Variants in MECOM observed in about 807,000 individuals in gnomAD.
MECOM encodes the protein MDS1 and EVI1 complex locus, also known as histone-lysine N-methyltransferase MECOM.
A neutral mutation model predicts 116.3 loss-of-function variants in MECOM; 13 were observed. The ratio of observed to expected loss-of-function variants is 0.11; its 90% CI spans 0.07 to 0.18. The LOEUF is 0.18. Ranked by LOEUF, MECOM falls within the 10% of genes least tolerant of loss-of-function variation. The probability of loss-of-function intolerance (pLI) is 1.00; values close to 1 mark genes in which losing one functional copy is unlikely to be tolerated. For missense variants in MECOM, 1,299 were observed against 1,509.0 expected (o/e 0.86, Z 2.31); for synonymous variants, 528 against 535.2 (o/e 0.99, Z 0.19).
At chr3:169,262,078 A>T (rs537891709) in intron 2 of MECOM, among the ~76,000 whole-genome samples, 1 of 152,216 alleles carries the variant, frequency 6.6e-6, no homozygotes, top group Non-Finnish European at 1.5e-5. Flanking sequence ...CTTGGAATAA[A>T]CTAATGGACA....
At chr3:169,140,440 G>A (rs1737760245) in intron 3 of MECOM, among the ~76,000 whole-genome samples, 1 of 152,042 alleles carries the variant, frequency 6.6e-6, no homozygotes, top group Non-Finnish European at 1.5e-5. Flanking sequence ...TTCTTTCATA[G>A]AGGTAAATTA....
At chr3:169,158,679 A>G (rs1253815014) in intron 2 of MECOM, among the ~76,000 whole-genome samples, 5 of 152,190 alleles carry the variant, frequency 3.3e-5, no homozygotes, top group Non-Finnish European at 7.3e-5. Context: ...TCAAGAGCAG[A>G]GCTGAGCAGA....
At chr3:169,319,559 T>A (rs200703020) in intron 2 of MECOM, among the ~76,000 whole-genome samples, 1 of 150,352 alleles carries the variant, frequency 6.7e-6, no homozygotes, top group African/African-American at 2.4e-5. Flanking sequence ...TAAAGTATAA[T>A]AAAAAAAAAA....
At chr3:169,241,055 T>A (rs1444611519) in intron 2 of MECOM, among the ~76,000 whole-genome samples, 1 of 152,208 alleles carries the variant, frequency 6.6e-6, no homozygotes, top group African/African-American at 2.4e-5. Context: ...TTCAAGACCC[T>A]TGTCTGCTTT....
chr3:169,494,639 A>G (rs1256489350), intron 1 of MECOM, among the ~76,000 whole-genome samples: 2 of 152,220 alleles, frequency 1.3e-5, no homozygotes, highest in Admixed American at 6.5e-5. Flanking sequence ...GCTTTCACCT[A>G]TCTGTATTAA....
chr3:169,255,844 C>G (rs1756798269), intron 2 of MECOM, among the ~76,000 whole-genome samples: 1 of 152,108 alleles, frequency 6.6e-6, no homozygotes, highest in South Asian at 2.1e-4. Flanking sequence ...GTCACAGGCT[C>G]ATTACTAATT....
chr3:169,333,161 A>G (rs991022481), intron 2 of MECOM, among the ~76,000 whole-genome samples: 3 of 152,200 alleles, frequency 2.0e-5, no homozygotes, highest in Admixed American at 1.3e-4. Flanking sequence ...AATAAAGCAC[A>G]TCTAGCATCA....
At chr3:169,315,506 C>T (rs16853491) in intron 2 of MECOM, among the ~76,000 whole-genome samples, 5,449 of 152,242 alleles carry the variant, frequency 0.036, 236 homozygotes, top group East Asian at 0.17. Flanking sequence ...AACCATCTTA[C>T]TGGTGACTGG....
At chr3:169,357,555 A>G (rs189321469) in intron 2 of MECOM, among the ~76,000 whole-genome samples, 4 of 151,940 alleles carry the variant, frequency 2.6e-5, no homozygotes, top group Non-Finnish European at 5.9e-5. Flanking sequence ...TCATAAGCAC[A>G]TGCTTAACAC....
At chr3:169,510,670 T>C (rs541365250) in intron 1 of MECOM, among the ~76,000 whole-genome samples, 3 of 152,336 alleles carry the variant, frequency 2.0e-5, no homozygotes, top group Non-Finnish European at 2.9e-5. Context: ...GCAAGGATGT[T>C]ATCTGTCTAT....
intron 2 of MECOM, among the ~76,000 whole-genome samples, chr3:169,271,301 A>T (rs2149654250): frequency 6.6e-6 from 1 of 152,314 alleles, no homozygotes; most frequent in South Asian, 2.1e-4. Flanking sequence ...ATGAAGCCAG[A>T]TTATCCTGAT....
intron 2 of MECOM, among the ~76,000 whole-genome samples, chr3:169,168,566 ACTT>A: frequency 6.6e-6 from 1 of 152,170 alleles, no homozygotes; most frequent in Middle Eastern, 3.4e-3. Context: ...TTATAAATAC[ACTT>A]CTTATACAGA....
intron 3 of MECOM, among the ~76,000 whole-genome samples, chr3:169,138,819 G>T (rs141552575): frequency 6.6e-6 from 1 of 152,038 alleles, no homozygotes; most frequent in Non-Finnish European, 1.5e-5. Flanking sequence ...TGCACAAATT[G>T]TACTAATCGA....
intron 2 of MECOM, among the ~76,000 whole-genome samples, chr3:169,173,639 C>T (rs1162509839): frequency 6.6e-6 from 1 of 152,214 alleles, no homozygotes; most frequent in Non-Finnish European, 1.5e-5. Flanking sequence ...GTATCAAATG[C>T]TTCTCACTAT....
chr3:169,295,701 T>C (rs1230866473), intron 2 of MECOM, among the ~76,000 whole-genome samples: 2 of 152,120 alleles, frequency 1.3e-5, no homozygotes, highest in African/African-American at 2.4e-5. Flanking sequence ...TTCTTCTTCT[T>C]CTCCTTAAAG....
chr3:169,271,886 G>A (rs910091568), intron 2 of MECOM, among the ~76,000 whole-genome samples: 16 of 152,148 alleles, frequency 1.1e-4, no homozygotes, highest in African/African-American at 2.2e-4. Context: ...ACCAGCCATC[G>A]TGCAACTGCC....
At chr3:169,515,612 C>G (rs1353531599) in intron 1 of MECOM, among the ~76,000 whole-genome samples, 1 of 152,130 alleles carries the variant, frequency 6.6e-6, no homozygotes, top group Non-Finnish European at 1.5e-5. Context: ...GAGGCATCAT[C>G]ATCTGCATTC....
intron 2 of MECOM, among the ~76,000 whole-genome samples, chr3:169,306,798 G>T (rs561278001): frequency 4.9e-4 from 74 of 152,154 alleles, no homozygotes; most frequent in Admixed American, 1.9e-3. Flanking sequence ...ATCCTAAAGG[G>T]TTTCTTCTTT....
chr3:169,252,662 C>A (rs1284134030), intron 2 of MECOM, among the ~76,000 whole-genome samples: 1 of 151,988 alleles, frequency 6.6e-6, no homozygotes, highest in African/African-American at 2.4e-5. Context: ...TCTGACACAC[C>A]AAACCTGTTA....
Sources: gnomAD v4.1 joint callset for allele counts (sites outside exome capture counted in the v4.1 genomes callset) on GRCh38, gnomAD v4.1.1 for gene constraint, MANE v1.5 for transcripts, NCBI Gene and HGNC (gene_info 2026-07-23, HGNC 2026-07-21) for gene names.